The following TTLL11 variants were observed in gnomAD, a reference collection of about 807,000 sequenced individuals.
The protein encoded by TTLL11 is tubulin polyglutamylase TTLL11.
A neutral mutation model predicts 51.7 loss-of-function variants in TTLL11; 42 were observed. That is an observed-to-expected ratio of 0.81 (90% CI 0.64 to 1.05). The LOEUF (loss-of-function observed/expected upper bound fraction) is 1.05. Among genes scored for constraint, TTLL11 ranks in the 50% least tolerant of loss-of-function variants. TTLL11 has a pLI of 0.00. For synonymous variants in TTLL11, 381 were observed against 383.5 expected, an observed-to-expected ratio of 0.99 and a Z score of 0.08; for missense variants, 799 against 940.4, an observed-to-expected ratio of 0.85 and a Z score of 1.97.
chr9:121,881,225 A>G (rs1411584978), intron 6 of TTLL11, among the ~76,000 whole-genome samples: 1 of 152,194 alleles, frequency 6.6e-6, no homozygotes, highest in Non-Finnish European at 1.5e-5. Flanking sequence ...CTGCAACACA[A>G]AGCATTTTAG....
rs557407567 is a variant in TTLL11 at position 121,866,465 on chromosome 9, G to C, written c.1733+4032C>G. Among the ~76,000 whole-genome samples the C allele has an allele frequency of 4.9e-4, 74 of 152,168 alleles. No homozygotes were observed. The South Asian group carries it at 0.013, about 27-fold the overall frequency. ...ACCTGAGGTCAGGAGTTCAAGACCA[G>C]CCTGACCAATATGGTGAAACCCCAT... On this transcript the variant is annotated intron_variant, in intron 7 of 8. Transcript: ENST00000321582.
intron 1 of TTLL11, 25 bp downstream of exon 1, chr9:122,092,662 G>A (rs773341358): frequency 5.0e-5 from 77 of 1,535,938 alleles, no homozygotes; most frequent in Middle Eastern, 4.5e-4. Context: ...CTGTGCCCAC[G>A]CGGCCGGGTC....
chr9:121,921,134 C>T (rs562423011), intron 6 of TTLL11, among the ~76,000 whole-genome samples: 1 of 152,324 alleles, frequency 6.6e-6, no homozygotes, highest in Non-Finnish European at 1.5e-5. Context: ...AAGAGGAAGA[C>T]ACCAGTGGAA....
intron 4 of TTLL11, among the ~76,000 whole-genome samples, chr9:121,985,513 CTTTTTTTTTTTT>C (rs71371908): frequency 1.0e-5 from 1 of 97,276 alleles, no homozygotes; most frequent in Non-Finnish European, 2.0e-5. Flanking sequence ...ATTTTCTTTT[CTTTTTTTTTTTT>C]TTTTTTTTTG....
intron 6 of TTLL11, among the ~76,000 whole-genome samples, chr9:121,923,952 T>C (rs752725823): frequency 1.3e-5 from 2 of 152,198 alleles, no homozygotes; most frequent in African/African-American, 4.8e-5. Flanking sequence ...AATTGAATCA[T>C]GGCTGCCATA....
At chr9:121,982,991 C>T (rs1842859073) in intron 4 of TTLL11, among the ~76,000 whole-genome samples, 1 of 152,166 alleles carries the variant, frequency 6.6e-6, no homozygotes, top group Non-Finnish European at 1.5e-5. Flanking sequence ...TTTAAAGCAT[C>T]TCCTTGGCTA....
In TTLL11 at chr9:121,822,730, G is replaced by A. The variant is rs774750796; in HGVS notation, c.1990C>T (p.Arg664Trp). Residue 664 changes from arginine (R) to tryptophan (W), a missense_variant, in exon 9 of 9, where the codon CGG becomes TGG. Physicochemically the swap from Arg to Trp is moderately radical, Grantham distance 101 (BLOSUM62 -3). This residue lies in a region of TTLL11 where 165 missense variants were observed against 166.1 expected (regional missense o/e 0.99). Coordinates refer to ENST00000321582, the MANE Select transcript of TTLL11 (RefSeq NM_001139442.2). This position sits in a 1 kb window ranked among gnomAD's most constrained non-coding sequence, Gnocchi z 5.8. ...GGCCGGCCCCCCGACGGGACGCCCC[G>A]GCCACACACCAGGCGTTTTTCATCC... is the stretch of plus-strand genomic sequence containing the variant. Reference protein sequence around the residue: ...LLDEKRLVCGRGVPSGGRPPH... With the variant: ...LLDEKRLVCGWGVPSGGRPPH... The A allele has an allele frequency of 1.2e-4, 193 of 1,551,176 alleles. 2 individuals carry two copies. The highest frequency in any genetic ancestry group is 8.5e-4 in the Middle Eastern group (5 of 5,884).
rs71371907 is a variant in TTLL11 at position 121,982,717 on chromosome 9, C to CAA, written c.1269+6476_1269+6477dup. On this transcript the variant is annotated intron_variant, in intron 4 of 8. Coordinates refer to ENST00000321582, the MANE Select transcript of TTLL11 (RefSeq NM_001139442.2). ...GGTCAACAAGAGTGAAACTCCAACT[C>CAA]AAAAAAAAAAAAAAAAAAAGAATAA... 4.9e-3 allele frequency among the ~76,000 whole-genome samples: 475 copies of CAA among 97,280 alleles called. 2 individuals carry two copies. Among genetic ancestry groups the CAA allele is most frequent in the South Asian group, 0.016 (43 of 2,652 alleles). 63.8% of individuals were successfully genotyped at this position (97,280 alleles called of 152,430 possible). A position where few individuals can be genotyped will look rare whatever the true frequency, so the allele number is the denominator to read the frequency against.
chr9:121,873,257 C>T lies in TTLL11; in HGVS notation c.1482-2509G>A, dbSNP rs560625501. ...GTTATGACTATGCCCCTGTTCCAGA[C>T]GAAGAAACTGAGGCTTGGCAAGGTG... On this transcript the variant is annotated intron_variant, in intron 6 of 8. Coordinates refer to ENST00000321582, the MANE Select transcript of TTLL11 (RefSeq NM_001139442.2). Among the ~76,000 whole-genome samples, 330 of 152,200 alleles carry T rather than the reference C, an allele frequency of 2.2e-3. 2 individuals carry two copies. Among genetic ancestry groups the T allele is most frequent in the Admixed American group, 3.6e-3 (55 of 15,302 alleles).
intron 3 of TTLL11, among the ~76,000 whole-genome samples, chr9:121,998,487 C>T (rs1227516980): frequency 2.0e-5 from 3 of 151,924 alleles, no homozygotes; most frequent in Admixed American, 6.6e-5. Flanking sequence ...AGTTTCACTA[C>T]GTTGGTCAGG....
At chr9:122,020,275 A>G (rs1844129083) in intron 3 of TTLL11, among the ~76,000 whole-genome samples, 1 of 152,214 alleles carries the variant, frequency 6.6e-6, no homozygotes, top group Non-Finnish European at 1.5e-5. Flanking sequence ...ATACAAAATC[A>G]GGTCAGGTGT....
intron 8 of TTLL11, among the ~76,000 whole-genome samples, chr9:121,830,437 T>C (rs1487570666): frequency 2.0e-5 from 3 of 152,158 alleles, no homozygotes; most frequent in African/African-American, 4.8e-5. Context: ...CACAGTCCAG[T>C]CTGTATAAAC....
At chr9:121,912,328 C>T (rs981270263) in intron 6 of TTLL11, among the ~76,000 whole-genome samples, 1 of 152,164 alleles carries the variant, frequency 6.6e-6, no homozygotes, top group Non-Finnish European at 1.5e-5. Flanking sequence ...ACTTCAAACC[C>T]GGGTCCCCGA....
At chr9:121,932,794 A>T (rs1841044194) in intron 6 of TTLL11, among the ~76,000 whole-genome samples, 2 of 152,328 alleles carry the variant, frequency 1.3e-5, no homozygotes, top group Non-Finnish European at 2.9e-5. Flanking sequence ...CTCCGAGAAA[A>T]GATGATGTAC....
At chr9:121,987,207 C>G (rs2131687132) in intron 4 of TTLL11, among the ~76,000 whole-genome samples, 1 of 152,260 alleles carries the variant, frequency 6.6e-6, no homozygotes, top group South Asian at 2.1e-4. Context: ...GGGGCAGAAA[C>G]ACACTAGTTG....
chr9:121,849,893 C>G (rs928378842), intron 8 of TTLL11, among the ~76,000 whole-genome samples: 7 of 152,170 alleles, frequency 4.6e-5, no homozygotes, highest in Admixed American at 4.6e-4. Context: ...CCAAATTCTG[C>G]AGATACTCGA....
In TTLL11 at chr9:122,001,526, G is replaced by T. The variant is rs534586832; in HGVS notation, c.694-11756C>A. Among the ~76,000 whole-genome samples, 6 of 150,724 alleles carry T rather than the reference G, an allele frequency of 4.0e-5. 1 individual carries two copies. The East Asian group carries it at 1.2e-3, about 30-fold the overall frequency. ...GGGGTGGGAATCATGAAGGGGGAAG[G>T]GGGGGCGGGACAGGGAAGCTAAGCC... On this transcript the variant is annotated intron_variant, in intron 3 of 8. Transcript: ENST00000321582.
intron 3 of TTLL11, among the ~76,000 whole-genome samples, chr9:122,022,920 T>C (rs1299627916): frequency 6.6e-6 from 1 of 151,818 alleles, no homozygotes; most frequent in Non-Finnish European, 1.5e-5. Context: ...ATACTATAAA[T>C]AAAATAGTAC....
intron 8 of TTLL11, among the ~76,000 whole-genome samples, chr9:121,826,107 A>G (rs1300141124): frequency 6.8e-6 from 1 of 146,862 alleles, no homozygotes; most frequent in African/African-American, 2.5e-5. Flanking sequence ...GAAAAAAAAT[A>G]CAATGCAAAC....
Sources: gnomAD v4.1 joint callset for allele counts (sites outside exome capture counted in the v4.1 genomes callset) on GRCh38, gnomAD v4.1.1 for gene constraint, gnomAD v4.1.1 regional missense constraint, Gnocchi (gnomAD v3.1) non-coding constraint, MANE v1.5 for transcripts, NCBI Gene and HGNC (gene_info 2026-07-23, HGNC 2026-07-21) for gene names.